The following L3MBTL1 variants were observed in gnomAD, a reference collection of about 807,000 sequenced individuals.
L3MBTL1 encodes L3MBTL histone methyl-lysine binding protein 1.
In L3MBTL1, 75 loss-of-function variants were observed where a neutral mutation model predicts 105.3. The observed-to-expected ratio is 0.71, with a 90% confidence interval of 0.59 to 0.86. The LOEUF (loss-of-function observed/expected upper bound fraction) is 0.86. L3MBTL1 is among the 40% of genes least tolerant of loss of function. The pLI is 0.00. For synonymous variants in L3MBTL1, 452 were observed against 436.2 expected (o/e 1.04, Z -0.45); for missense variants, 1,069 against 1,126.4 (o/e 0.95, Z 0.73).
At position 43,530,301 on chromosome 20, in the gene L3MBTL1, A is replaced by G. The variant is rs749466978; in HGVS notation, c.1074A>G (p.Leu358=). ...LTVAEVCGYR[L]RLHFDGYSEC... ...GGGGCCAGGTATGTGGCTATCGCCT[A>G]CGCCTGCACTTTGATGGGTATTCTG... Residue 358 remains leucine, a synonymous_variant, in exon 10 of 22, where the codon CTA becomes CTG. Transcript: ENST00000418998. 1.7e-5 allele frequency: 28 copies of G among 1,614,038 alleles called. No individual in the cohort carries two copies. The highest frequency in any genetic ancestry group is 2.3e-5 in the Non-Finnish European group (27 of 1,179,986).
intron 10 of L3MBTL1, among the ~76,000 whole-genome samples, 161 bp downstream of exon 10, chr20:43,530,580 C>T (rs751704442): frequency 6.6e-6 from 1 of 152,184 alleles, no homozygotes; most frequent in Non-Finnish European, 1.5e-5. Flanking sequence ...GCGCTGGGGC[C>T]AAGTTGACCA....
chr20:43,511,024 A>G (rs373220778), intron 1 of L3MBTL1, among the ~76,000 whole-genome samples: 13 of 152,198 alleles, frequency 8.5e-5, no homozygotes, highest in Middle Eastern at 3.4e-3. Context: ...CATTGGGCCC[A>G]TACAGTGTTT....
chr20:43,535,843 G>T lies in L3MBTL1; in HGVS notation c.1832G>T (p.Arg611Ile). 3 of 1,590,894 alleles carry T rather than the reference G, an allele frequency of 1.9e-6. No homozygotes were observed. Among genetic ancestry groups the T allele is most frequent in the Non-Finnish European group, 2.6e-6 (3 of 1,170,158 alleles). The change falls in exon 17 of 22, where the codon AGA (arginine) becomes ATA (isoleucine). Residue 611 changes from arginine to isoleucine, a missense_variant. Physicochemically the swap from Arg to Ile is moderately conservative, Grantham distance 97. Coordinates refer to ENST00000418998, the MANE Select transcript of L3MBTL1 (RefSeq NM_001377303.1). ...GHPLQPPLGPREPSSASPGGC... is the reference protein window; with the variant it reads ...GHPLQPPLGPIEPSSASPGGC... ...CTCCTTTCTGCTCTTTTAGGACCCA[G>T]AGAGCCCAGCTCTGCCTCCCCTGGG...
intron 7 of L3MBTL1, among the ~76,000 whole-genome samples, chr20:43,526,647 A>G (rs2019047449): frequency 1.3e-5 from 2 of 152,114 alleles, no homozygotes; most frequent in African/African-American, 4.8e-5. Context: ...GTGTCTGAGG[A>G]ATTTAGGCAG....
At position 43,536,093 on chromosome 20, in the gene L3MBTL1, C is replaced by T. The variant is rs775733306; in HGVS notation, c.1926-4C>T. ...AAACCCAACTGAAGTCTCTTCTTCC[C>T]CAGGAAGTGCCCCACTCCTGGTTGC... is the stretch of plus-strand genomic sequence containing the variant. On this transcript the variant is annotated splice_polypyrimidine_tract_variant and splice_region_variant and intron_variant, in intron 17 of 21. Coordinates refer to ENST00000418998, the MANE Select transcript of L3MBTL1 (RefSeq NM_001377303.1). The T allele has an allele frequency of 1.2e-6, 2 of 1,612,778 alleles. No homozygotes were observed. Among genetic ancestry groups the T allele is most frequent in the Non-Finnish European group, 1.7e-6 (2 of 1,179,982 alleles).
chr20:43,508,685 G>C (rs978849023), intron 1 of L3MBTL1, among the ~76,000 whole-genome samples: 1 of 152,234 alleles, frequency 6.6e-6, no homozygotes, highest in African/African-American at 2.4e-5. Context: ...TTTAGGTCGG[G>C]TCCCCCGAAA....
At chr20:43,527,722 C>CTT (rs113455397) in intron 7 of L3MBTL1, among the ~76,000 whole-genome samples, 7 of 141,834 alleles carry the variant, frequency 4.9e-5, no homozygotes, top group Non-Finnish European at 7.8e-5. Flanking sequence ...AAAAGTGTTT[C>CTT]TTTTTTTTTT....
intron 7 of L3MBTL1, among the ~76,000 whole-genome samples, chr20:43,522,197 A>G (rs1175364747): frequency 6.6e-6 from 1 of 152,120 alleles, no homozygotes; most frequent in East Asian, 1.9e-4. Context: ...TCTACTAAGA[A>G]TACAAAAATT....
chr20:43,529,057 A>AAAGAGGGCTG (rs1353512880), intron 8 of L3MBTL1: 2 of 604,966 alleles, frequency 3.3e-6, no homozygotes, highest in African/African-American at 3.7e-5. Context: ...CCTTGAGTCC[A>AAAGAGGGCTG]GCCCTGACTC....
rs545932445 is a variant in L3MBTL1, at chr20:43,507,984, C to T, written c.-29+240C>T. ...ACTCCAGGCCCAGCCGACCCTGCGG[C>T]GTGGCTTCGGGCTGCGATCAGGAGG... On this transcript the variant is annotated intron_variant, in intron 1 of 21. Coordinates refer to ENST00000418998, the MANE Select transcript of L3MBTL1 (RefSeq NM_001377303.1). Among the ~76,000 whole-genome samples, 54 of 152,210 alleles carry T rather than the reference C, an allele frequency of 3.5e-4. 1 individual carries two copies. The Middle Eastern group carries it at 0.017, about 49-fold the overall frequency.
At chr20:43,537,621 G>T (rs1158619677) in intron 19 of L3MBTL1, among the ~76,000 whole-genome samples, 2 of 152,186 alleles carry the variant, frequency 1.3e-5, no homozygotes, top group Non-Finnish European at 2.9e-5. Flanking sequence ...AGCGGGAGGG[G>T]CATAGTGGCT....
intron 7 of L3MBTL1, among the ~76,000 whole-genome samples, chr20:43,521,676 A>G (rs2018710429): frequency 6.6e-6 from 1 of 152,210 alleles, no homozygotes; most frequent in Non-Finnish European, 1.5e-5. Flanking sequence ...GGAATTCATC[A>G]AAAGGGCGTA....
intron 11 of L3MBTL1, chr20:43,532,301 GT>G (rs1438131266): frequency 6.4e-6 from 1 of 155,244 alleles, no homozygotes; most frequent in Non-Finnish European, 1.4e-5. Flanking sequence ...GAATAGGGTT[GT>G]TGTAAAGGTC....
chr20:43,514,604 G>A, intron 3 of L3MBTL1, 31 bp from the exon 4 acceptor site: 1 of 1,599,180 alleles, frequency 6.3e-7, no homozygotes, highest in Non-Finnish European at 8.5e-7. Flanking sequence ...CCGTACGGGA[G>A]TCGCAATCCT....
intron 11 of L3MBTL1, chr20:43,532,473 A>C: frequency 1.3e-5 from 4 of 297,552 alleles, no homozygotes; most frequent in African/African-American, 2.2e-5. Context: ...TGGGTAGGGA[A>C]GATTTATACT....
intron 7 of L3MBTL1, among the ~76,000 whole-genome samples, chr20:43,527,643 G>A (rs2019102678): frequency 6.6e-6 from 1 of 152,130 alleles, no homozygotes; most frequent in Admixed American, 6.5e-5. Context: ...CCACTCTGGG[G>A]GTACCCATCA....
chr20:43,517,402 A>G (rs971835625), intron 7 of L3MBTL1, among the ~76,000 whole-genome samples: 1 of 151,502 alleles, frequency 6.6e-6, no homozygotes, highest in African/African-American at 2.4e-5. Context: ...CCTTTTTTTT[A>G]ATTTTAATTT....
intron 7 of L3MBTL1, 63 bp from the exon 8 acceptor site, chr20:43,528,594 A>G (rs1324931942): frequency 2.4e-6 from 3 of 1,230,968 alleles, no homozygotes; most frequent in African/African-American, 1.5e-5. Context: ...GGTCAGGGGA[A>G]GCCGAAGAAA....
chr20:43,547,965 T>G, intron 18 of L3MBTL1: 3 of 358,850 alleles, frequency 8.4e-6, no homozygotes, highest in Non-Finnish European at 1.5e-5. Flanking sequence ...TTCTCTCCCC[T>G]TCTCTCCTCC....
Sources: gnomAD v4.1 joint callset for allele counts (sites outside exome capture counted in the v4.1 genomes callset) on GRCh38, gnomAD v4.1.1 for gene constraint, MANE v1.5 for transcripts, NCBI Gene and HGNC (gene_info 2026-07-23, HGNC 2026-07-21) for gene names.